DNAJC27: variants seen among roughly 807,000 people sequenced by gnomAD.
DNAJC27 encodes the protein DnaJ heat shock protein family (Hsp40) member C27, also known as dnaJ homolog subfamily C member 27.
In DNAJC27, 25 loss-of-function variants were observed where a neutral mutation model predicts 31.4. The ratio of observed to expected loss-of-function variants is 0.80; its 90% CI spans 0.58 to 1.11. DNAJC27 has a LOEUF of 1.11. Among genes scored for constraint, DNAJC27 ranks in the 50% most tolerant of loss-of-function variants. DNAJC27 has a pLI of 0.00. For missense variants in DNAJC27, 356 were observed against 347.3 expected (o/e 1.02, Z -0.20); for synonymous variants, 106 against 112.7 (o/e 0.94, Z 0.37).
chr2:24,958,618 A>C (rs562858236), intron 3 of DNAJC27: 46 of 389,278 alleles, frequency 1.2e-4, no homozygotes, highest in South Asian at 4.9e-4. Context: ...AATGGGGATA[A>C]TACTACTTAC....
At chr2:24,969,977 A>G (rs1232417841) in intron 1 of DNAJC27, among the ~76,000 whole-genome samples, 1 of 152,164 alleles carries the variant, frequency 6.6e-6, no homozygotes, top group African/African-American at 2.4e-5. Flanking sequence ...TCACATCTGT[A>G]CAATATTGTG....
chr2:24,957,111 C>T lies in DNAJC27; in HGVS notation c.460G>A (p.Glu154Lys), dbSNP rs1442562481. The T allele has an allele frequency of 7.5e-6, 12 of 1,609,680 alleles. No homozygotes were observed. In the East Asian group the frequency reaches 2.7e-4, roughly 36 times the overall value. Residue 154 changes from glutamate (E) to lysine (K), a missense_variant, in exon 5 of 7, where the codon GAA (glutamate) becomes AAA (lysine). By Grantham distance (56) the Glu-to-Lys change is moderately conservative (BLOSUM62 1). Coordinates refer to ENST00000264711, the MANE Select transcript of DNAJC27 (RefSeq NM_016544.3). ...VDESEGRLWA[E>K]SKGFLYFETS... ...TCAAAGTACAGGAACCCTTTGCTTT[C>T]AGCCCAAAGACGTCCTTCACTTTCA...
At chr2:24,950,868 A>C (rs184611343) in intron 6 of DNAJC27, among the ~76,000 whole-genome samples, 1 of 152,006 alleles carries the variant, frequency 6.6e-6, no homozygotes, top group South Asian at 2.1e-4. Context: ...ATAAAAAAAA[A>C]AAATAAACAA....
chr2:24,958,536 CACTT>C (rs1303298855), intron 3 of DNAJC27: 2 of 402,976 alleles, frequency 5.0e-6, no homozygotes, highest in East Asian at 7.7e-5. Flanking sequence ...TCTGGGTTCA[CACTT>C]ACTTACTAGT....
intron 3 of DNAJC27, among the ~76,000 whole-genome samples, chr2:24,959,134 T>C (rs1449297061): frequency 2.0e-5 from 3 of 152,124 alleles, no homozygotes; most frequent in Non-Finnish European, 4.4e-5. Flanking sequence ...GTACTCATGG[T>C]CCTTGGCCCT....
intron 1 of DNAJC27, among the ~76,000 whole-genome samples, chr2:24,967,975 C>G (rs1369674240): frequency 6.9e-6 from 1 of 144,804 alleles, no homozygotes; most frequent in African/African-American, 2.6e-5. Flanking sequence ...TTTTTTTGAG[C>G]CTAGGAGGAG....
chr2:24,960,192 T>G (rs971434035), intron 3 of DNAJC27, among the ~76,000 whole-genome samples: 1 of 152,236 alleles, frequency 6.6e-6, no homozygotes, highest in African/African-American at 2.4e-5. Flanking sequence ...TTTTCATCAT[T>G]ATTATGTCTG....
chr2:24,962,229 TTG>T (rs1558554946), intron 3 of DNAJC27, among the ~76,000 whole-genome samples: 13 of 151,852 alleles, frequency 8.6e-5, no homozygotes, highest in African/African-American at 2.9e-4. Flanking sequence ...TTGTTTTTTT[TTG>T]TGTTTTTTGT....
Sources: allele counts gnomAD v4.1 joint callset (sites outside exome capture counted in the v4.1 genomes callset), GRCh38; gene constraint gnomAD v4.1.1; transcripts MANE v1.5; gene names NCBI Gene and HGNC (gene_info 2026-07-23, HGNC 2026-07-21).